MAN2A1: variants seen among roughly 807,000 people sequenced by gnomAD.
The protein encoded by MAN2A1 is mannosidase alpha class 2A member 1.
Under a neutral mutation model 142.6 loss-of-function variants are expected in MAN2A1, and 76 were observed. That is an observed-to-expected ratio of 0.53 (90% CI 0.44 to 0.65). MAN2A1 has a LOEUF of 0.65. Among genes scored for constraint, MAN2A1 ranks in the 30% least tolerant of loss-of-function variants. The probability of loss-of-function intolerance (pLI) is 0.00; values close to 1 mark genes in which losing one functional copy is unlikely to be tolerated. For missense variants in MAN2A1, 1,311 were observed against 1,365.1 expected (o/e 0.96, Z 0.62); for synonymous variants, 559 against 473.2 (o/e 1.18, Z -2.35).
At chr5:109,734,309 A>G (rs187928153) in intron 4 of MAN2A1, among the ~76,000 whole-genome samples, 1 of 149,954 alleles carries the variant, frequency 6.7e-6, no homozygotes. Flanking sequence ...TTTTGAAAAA[A>G]AAAAAAACCA....
At chr5:109,784,597 A>G (rs1023518084) in intron 9 of MAN2A1, 147 bp from the exon 10 acceptor site, 3 of 580,174 alleles carry the variant, frequency 5.2e-6, no homozygotes, top group Admixed American at 3.5e-5. Flanking sequence ...GTTGTTTTAT[A>G]TGAACTATTA....
intron 7 of MAN2A1, among the ~76,000 whole-genome samples, chr5:109,771,294 TTAAA>T (rs1297288656): frequency 6.6e-6 from 1 of 152,156 alleles, no homozygotes; most frequent in African/African-American, 2.4e-5. Flanking sequence ...ATATAGCCCA[TTAAA>T]TAAATTAAAT....
intron 16 of MAN2A1, among the ~76,000 whole-genome samples, chr5:109,841,945 T>C (rs190941159): frequency 3.9e-5 from 6 of 152,322 alleles, no homozygotes; most frequent in Non-Finnish European, 5.9e-5. Context: ...AAAAGTGGGC[T>C]AGAATGGCTC....
intron 4 of MAN2A1, among the ~76,000 whole-genome samples, chr5:109,741,005 A>C (rs766370824): frequency 1.3e-5 from 2 of 152,154 alleles, no homozygotes; most frequent in Non-Finnish European, 2.9e-5. Context: ...TTCATGCATC[A>C]GTCCAATATT....
chr5:109,822,513 A>G (rs1754653161), intron 15 of MAN2A1, among the ~76,000 whole-genome samples: 1 of 152,136 alleles, frequency 6.6e-6, no homozygotes, highest in African/African-American at 2.4e-5. Flanking sequence ...GAAAAAGGCA[A>G]GAGCCCAGAA....
intron 15 of MAN2A1, among the ~76,000 whole-genome samples, chr5:109,822,027 A>G (rs1194092614): frequency 2.0e-5 from 3 of 151,948 alleles, no homozygotes; most frequent in Admixed American, 2.0e-4. Context: ...TCTCCTGAAA[A>G]AGTTACTTTT....
chr5:109,780,414 G>A (rs1255783063), intron 8 of MAN2A1, among the ~76,000 whole-genome samples: 5 of 151,992 alleles, frequency 3.3e-5, no homozygotes, highest in Non-Finnish European at 5.9e-5. Context: ...AGACAGAGAA[G>A]TTATGTAATA....
At chr5:109,715,202 T>A (rs1751418064) in intron 2 of MAN2A1, among the ~76,000 whole-genome samples, 1 of 152,014 alleles carries the variant, frequency 6.6e-6, no homozygotes. Flanking sequence ...AGATTTTATT[T>A]TATTTATTAA....
intron 9 of MAN2A1, 79 bp from the exon 10 acceptor site, chr5:109,784,665 A>G: frequency 3.6e-6 from 4 of 1,125,572 alleles, no homozygotes; most frequent in Non-Finnish European, 3.7e-6. Context: ...AAAAATTTGT[A>G]AAGTATCAAT....
At chr5:109,775,230 A>T (rs1458842108) in intron 8 of MAN2A1, among the ~76,000 whole-genome samples, 1 of 152,134 alleles carries the variant, frequency 6.6e-6, no homozygotes, top group African/African-American at 2.4e-5. Context: ...CCAAGTTGTG[A>T]TATTTAGTCT....
intron 4 of MAN2A1, among the ~76,000 whole-genome samples, chr5:109,749,799 A>C (rs557462792): frequency 6.6e-6 from 1 of 152,160 alleles, no homozygotes; most frequent in South Asian, 2.1e-4. Context: ...CCTGCTTGTC[A>C]GAGAAATAGT....
intron 4 of MAN2A1, among the ~76,000 whole-genome samples, chr5:109,748,116 C>T (rs1752453448): frequency 6.6e-6 from 1 of 152,126 alleles, no homozygotes; most frequent in East Asian, 1.9e-4. Flanking sequence ...ATATATAATG[C>T]TCTTATTTTA....
At chr5:109,801,160 G>C (rs537411413) in intron 12 of MAN2A1, among the ~76,000 whole-genome samples, 1 of 152,282 alleles carries the variant, frequency 6.6e-6, no homozygotes, top group South Asian at 2.1e-4. Context: ...CAGGTAGTTA[G>C]GGCTCATGAT....
At chr5:109,770,118 C>T (rs910173809) in intron 6 of MAN2A1, among the ~76,000 whole-genome samples, 6 of 152,072 alleles carry the variant, frequency 3.9e-5, no homozygotes, top group African/African-American at 9.7e-5. Context: ...CTGGGGCTTT[C>T]CTGTCTCTGC....
chr5:109,843,410 C>T (rs950217884), intron 17 of MAN2A1, among the ~76,000 whole-genome samples: 4 of 152,176 alleles, frequency 2.6e-5, no homozygotes, highest in African/African-American at 9.6e-5. Flanking sequence ...AGGTCTCTCT[C>T]TCAACACCTG....
At chr5:109,736,051 A>G (rs954730525) in intron 4 of MAN2A1, among the ~76,000 whole-genome samples, 1 of 152,110 alleles carries the variant, frequency 6.6e-6, no homozygotes, top group African/African-American at 2.4e-5. Flanking sequence ...CAGAGTTGTC[A>G]GGATATCCCT....
intron 17 of MAN2A1, among the ~76,000 whole-genome samples, chr5:109,842,800 T>C (rs988702529): frequency 6.8e-6 from 1 of 146,006 alleles, no homozygotes; most frequent in Admixed American, 6.9e-5. Context: ...GGATTATACT[T>C]ATTGGGTTTT....
Position 109,690,186 on chromosome 5 carries a change from C to T in MAN2A1, c.-232C>T. ...TCCCAGTTGCCGGCGAGTCTCGCCT[C>T]GAGAGGGGCGCCCGACCCCGGGGAG... On this transcript the variant is annotated 5_prime_UTR_variant, in exon 1 of 22. Transcript: ENST00000261483. 7.9e-6 allele frequency: 4 copies of T among 504,774 alleles called. No homozygotes were observed. Among genetic ancestry groups the T allele is most frequent in the Non-Finnish European group, 1.4e-5 (4 of 279,498 alleles). 31.3% of individuals were successfully genotyped at this position (504,774 alleles called of 1,614,324 possible).
intron 12 of MAN2A1, among the ~76,000 whole-genome samples, chr5:109,801,952 A>G (rs1008026901): frequency 1.3e-5 from 2 of 152,142 alleles, no homozygotes; most frequent in African/African-American, 4.8e-5. Context: ...ATTCTTAAAC[A>G]TTTCCTGTTT....
Sources: allele counts gnomAD v4.1 joint callset (sites outside exome capture counted in the v4.1 genomes callset), GRCh38; gene constraint gnomAD v4.1.1; transcripts MANE v1.5; gene names NCBI Gene and HGNC (gene_info 2026-07-23, HGNC 2026-07-21).